SASH1: variants seen among roughly 807,000 people sequenced by gnomAD.
SASH1 encodes SAM and SH3 domain containing 1, also known as SAM and SH3 domain-containing protein 1.
A neutral mutation model predicts 125.2 loss-of-function variants in SASH1; 44 were observed. The ratio of observed to expected loss-of-function variants is 0.35; its 90% CI spans 0.28 to 0.45. The LOEUF is 0.45. Ranked by LOEUF, SASH1 falls within the 20% of genes least tolerant of loss-of-function variation. SASH1 has a pLI of 1.00. For missense variants in SASH1, 1,426 were observed against 1,614.5 expected, an observed-to-expected ratio of 0.88 and a Z score of 2.00; for synonymous variants, 639 against 649.1, an observed-to-expected ratio of 0.98 and a Z score of 0.24.
intron 1 of SASH1, among the ~76,000 whole-genome samples, chr6:148,387,577 TTTC>T (rs1783450760): frequency 1.8e-4 from 1 of 5,424 alleles, no homozygotes; most frequent in Non-Finnish European, 3.2e-4. Context: ...TCTTTCTTTC[TTTC>T]TTTCTTTCTT....
chr6:148,199,713 A>T, the SASH1 span, among the ~76,000 whole-genome samples: 1 of 151,690 alleles, frequency 6.6e-6, no homozygotes. Context: ...AAGAAAAGAG[A>T]AAGAAAGGAA....
At chr6:148,440,092 G>A (rs901709374) in intron 2 of SASH1, 92 bp from the exon 3 acceptor site, 8 of 1,236,904 alleles carry the variant, frequency 6.5e-6, no homozygotes, top group African/African-American at 3.0e-5. Flanking sequence ...AACCTTTCCC[G>A]AATCCTCCCC....
chr6:148,344,550 TG>T (rs1781458722), intron 1 of SASH1, among the ~76,000 whole-genome samples: 1 of 152,114 alleles, frequency 6.6e-6, no homozygotes, highest in African/African-American at 2.4e-5. Flanking sequence ...TCTCCAGTAT[TG>T]AAAAATGTAT....
upstream of SASH1, among the ~76,000 whole-genome samples, chr6:148,269,068 G>A (rs1281071528): frequency 1.3e-5 from 2 of 152,130 alleles, no homozygotes; most frequent in African/African-American, 2.4e-5. Context: ...TGTTTTAATA[G>A]AGAATATCAC....
intron 4 of SASH1, among the ~76,000 whole-genome samples, chr6:148,442,662 G>A (rs144365021): frequency 5.4e-4 from 82 of 152,076 alleles, no homozygotes; most frequent in Non-Finnish European, 1.1e-3. Context: ...TAAGGACAAT[G>A]ACATTCTGTT....
the SASH1 span, among the ~76,000 whole-genome samples, chr6:148,263,648 C>T: frequency 1.3e-5 from 2 of 152,170 alleles, no homozygotes; most frequent in African/African-American, 4.8e-5. Flanking sequence ...CCATTACAAG[C>T]CCCCGTTTTT....
At chr6:148,468,821 C>T (rs916248259) in intron 5 of SASH1, 2 of 393,280 alleles carry the variant, frequency 5.1e-6, no homozygotes, top group Non-Finnish European at 9.0e-6. Flanking sequence ...GAGCATTTTC[C>T]CATGACTGAA....
chr6:148,398,234 T>C (rs1192395392), intron 2 of SASH1, among the ~76,000 whole-genome samples: 2 of 152,234 alleles, frequency 1.3e-5, no homozygotes, highest in Non-Finnish European at 2.9e-5. Flanking sequence ...GATTCATTCC[T>C]ATTCACAGGG....
At chr6:148,357,652 C>T (rs905227189) in intron 1 of SASH1, among the ~76,000 whole-genome samples, 1 of 152,140 alleles carries the variant, frequency 6.6e-6, no homozygotes, top group Non-Finnish European at 1.5e-5. Context: ...TCATTGTAAC[C>T]AGCTTGAGAC....
At chr6:148,217,810 G>A in the SASH1 span, among the ~76,000 whole-genome samples, 41 of 150,150 alleles carry the variant, frequency 2.7e-4, no homozygotes, top group Middle Eastern at 3.4e-3. Context: ...CCAGGAGCTT[G>A]AGACCAGCCT....
At chr6:148,508,883 T>C (rs760716075) in intron 8 of SASH1, 1 of 1,280,788 alleles carries the variant, frequency 7.8e-7, no homozygotes, top group South Asian at 1.2e-5. Flanking sequence ...AGCCGGTAAG[T>C]CACTGAATGC....
At chr6:148,442,561 A>G (rs1317898998) in intron 4 of SASH1, among the ~76,000 whole-genome samples, 1 of 147,782 alleles carries the variant, frequency 6.8e-6, no homozygotes. Context: ...CCCCACATAC[A>G]CCACCATTAA....
At chr6:148,207,707 C>T in the SASH1 span, among the ~76,000 whole-genome samples, 2 of 152,290 alleles carry the variant, frequency 1.3e-5, no homozygotes, top group Admixed American at 1.3e-4. Flanking sequence ...CAAGAATACC[C>T]AACATCTAAA....
At chr6:148,223,795 G>A in the SASH1 span, among the ~76,000 whole-genome samples, 1 of 152,290 alleles carries the variant, frequency 6.6e-6, no homozygotes, top group Non-Finnish European at 1.5e-5. Context: ...ATGCTGATGT[G>A]TAGATTTATC....
chr6:148,406,608 C>A (rs925619826), intron 2 of SASH1, among the ~76,000 whole-genome samples: 4 of 152,080 alleles, frequency 2.6e-5, no homozygotes, highest in Non-Finnish European at 4.4e-5. Context: ...AGGGTCTGGC[C>A]CCAAGAGACA....
intron 8 of SASH1, among the ~76,000 whole-genome samples, chr6:148,494,202 A>AT (rs1422813044): frequency 2.0e-5 from 3 of 152,224 alleles, no homozygotes; most frequent in African/African-American, 7.2e-5. Flanking sequence ...ATGAAAGGTC[A>AT]TTTGATGGCA....
intron 4 of SASH1, among the ~76,000 whole-genome samples, chr6:148,457,658 G>A (rs143452155): frequency 3.7e-4 from 56 of 152,204 alleles, no homozygotes; most frequent in African/African-American, 1.3e-3. Flanking sequence ...AGTCATTTTC[G>A]TTTCTTCGCC....
At chr6:148,245,876 C>A in the SASH1 span, among the ~76,000 whole-genome samples, 1 of 151,752 alleles carries the variant, frequency 6.6e-6, no homozygotes, top group African/African-American at 2.4e-5. Flanking sequence ...GTAGTCCCAG[C>A]TACTCGGGAG....
chr6:148,527,644 A>C, intron 12 of SASH1, 48 bp downstream of exon 12: 1 of 1,567,748 alleles, frequency 6.4e-7, no homozygotes, highest in Non-Finnish European at 8.6e-7. Flanking sequence ...CCTGACAAGA[A>C]AAGCTGAGAA....
Sources: gnomAD v4.1 joint callset for allele counts (sites outside exome capture counted in the v4.1 genomes callset) on GRCh38, gnomAD v4.1.1 for gene constraint, MANE v1.5 for transcripts, NCBI Gene and HGNC (gene_info 2026-07-23, HGNC 2026-07-21) for gene names.